SAP18: variants seen among roughly 807,000 people sequenced by gnomAD.
The protein encoded by SAP18 is histone deacetylase complex subunit SAP18.
In SAP18, 4 loss-of-function variants were observed where a neutral mutation model predicts 18.6. The ratio of observed to expected loss-of-function variants is 0.21; its 90% confidence interval spans 0.11 to 0.49. The LOEUF (loss-of-function observed/expected upper bound fraction) is 0.49. Ranked by LOEUF, SAP18 falls within the 20% of genes least tolerant of loss-of-function variation. The probability of loss-of-function intolerance (pLI) is 0.98; values close to 1 mark genes in which losing one functional copy is unlikely to be tolerated. For synonymous variants in SAP18, 112 were observed against 82.8 expected (o/e 1.35, Z -1.92); for missense variants, 170 against 226.4 (o/e 0.75, Z 1.60).
At chr13:21,143,394 C>T (rs1869537781) in intron 2 of SAP18, among the ~76,000 whole-genome samples, 1 of 152,170 alleles carries the variant, frequency 6.6e-6, no homozygotes, top group Non-Finnish European at 1.5e-5. Context: ...TGGGACCTTA[C>T]TTGTCTTATT....
In SAP18 at chr13:21,140,879, C is replaced by T. The variant is rs767488618; in HGVS notation, c.130-7C>T. 8.7e-6 allele frequency: 14 copies of T among 1,611,006 alleles called. No homozygotes were observed. Among genetic ancestry groups the T allele is most frequent in the South Asian group, 2.2e-5 (2 of 91,022 alleles). ...ACTTCTGCCCTTCCGTTTTCTCTCTCCCTCAGACATGCCCACTGTTGCTAC... is the reference window on the plus strand; with the variant it reads ...ACTTCTGCCCTTCCGTTTTCTCTCTTCCTCAGACATGCCCACTGTTGCTAC... On this transcript the variant is annotated splice_region_variant and splice_polypyrimidine_tract_variant and intron_variant, in intron 1 of 3. Coordinates refer to ENST00000621421, the Ensembl canonical transcript of SAP18.
At chr13:21,144,321 C>T (rs1022497724) in intron 2 of SAP18, among the ~76,000 whole-genome samples, 6 of 138,976 alleles carry the variant, frequency 4.3e-5, no homozygotes, top group Non-Finnish European at 9.1e-5. Flanking sequence ...AGGAGAATTG[C>T]TTGAACCCAG....
exon 1 of SAP18, chr13:21,140,613 G>T: frequency 6.2e-7 from 1 of 1,612,152 alleles, no homozygotes; most frequent in Non-Finnish European, 8.5e-7. Flanking sequence ...GAGGAAGATG[G>T]CGGTGGAGTC....
At chr13:21,140,391 C>T, upstream of SAP18, 1 of 694,808 alleles carries the variant, frequency 1.4e-6, no homozygotes, top group East Asian at 2.7e-5. Flanking sequence ...AGCACCTCCT[C>T]CCCGCGGACG....
At chr13:21,140,374 G>T (rs1457437177), upstream of SAP18, 4 of 622,394 alleles carry the variant, frequency 6.4e-6, no homozygotes, top group East Asian at 1.1e-4. Flanking sequence ...CTAGGCGACG[G>T]ACGCTAAGCA....
intron 2 of SAP18, among the ~76,000 whole-genome samples, chr13:21,144,393 G>A (rs1033237301): frequency 3.1e-4 from 40 of 129,714 alleles, no homozygotes; most frequent in Non-Finnish European, 5.1e-4. Context: ...GCGACAGAGC[G>A]GGACTCCATC....
chr13:21,143,132 GGTT>G (rs1869529270), intron 2 of SAP18, among the ~76,000 whole-genome samples: 1 of 152,140 alleles, frequency 6.6e-6, no homozygotes, highest in Non-Finnish European at 1.5e-5. Flanking sequence ...TGGACACTTG[GGTT>G]GTTTCACCTT....
chr13:21,142,002 ACAAGCCAGGCACG>A (rs1180719210), intron 2 of SAP18, among the ~76,000 whole-genome samples: 3 of 149,536 alleles, frequency 2.0e-5, no homozygotes, highest in African/African-American at 4.9e-5. Flanking sequence ...AAGATATATA[ACAAGCCAGGCACG>A]GTGGCTTATG....
chr13:21,146,999 C>T (rs919698720), intron 3 of SAP18, 72 bp downstream of exon 3: 2 of 1,494,878 alleles, frequency 1.3e-6, no homozygotes, highest in Non-Finnish European at 1.8e-6. Flanking sequence ...ACAGATAACT[C>T]CTTCAATGAA....
chr13:21,142,675 T>A (rs1869512060), intron 2 of SAP18, among the ~76,000 whole-genome samples: 1 of 152,114 alleles, frequency 6.6e-6, no homozygotes, highest in African/African-American at 2.4e-5. Context: ...AGCATTCAAA[T>A]TGTTGTGCAA....
chr13:21,141,558 C>CA (rs1417597764), intron 2 of SAP18: 1 of 160,064 alleles, frequency 6.2e-6, no homozygotes, highest in Non-Finnish European at 1.4e-5. Flanking sequence ...TACCTCCCTA[C>CA]AAACTACTGT....
At chr13:21,140,761 TGGA>T in intron 1 of SAP18, 80 bp downstream of exon 1, 1 of 1,590,814 alleles carries the variant, frequency 6.3e-7, no homozygotes, top group South Asian at 1.1e-5. Flanking sequence ...GCCTGTGTGC[TGGA>T]GGAGATGGTG....
exon 4 of SAP18, chr13:21,148,776 A>C (rs982072397): frequency 6.6e-6 from 1 of 151,990 alleles, no homozygotes; most frequent in Non-Finnish European, 1.5e-5. Flanking sequence ...GTGGGGGGGA[A>C]CCCTATGATT....
At chr13:21,141,080 C>T (rs989008624) in intron 2 of SAP18, 85 bp downstream of exon 2, 8 of 863,060 alleles carry the variant, frequency 9.3e-6, no homozygotes, top group South Asian at 7.1e-5. Context: ...GAGTTATTCT[C>T]CCTGATTTCA....
At chr13:21,147,561 A>C (rs1364845628) in exon 4 of SAP18, 1 of 527,210 alleles carries the variant, frequency 1.9e-6, no homozygotes, top group Non-Finnish European at 3.4e-6. Context: ...TGCTCTTAGC[A>C]TTCTGTGTAA....
At chr13:21,140,367 G>A (rs1595287513), upstream of SAP18, 4 of 611,136 alleles carry the variant, frequency 6.5e-6, no homozygotes, top group East Asian at 8.3e-5. Context: ...CCAACTGCTA[G>A]GCGACGGACG....
At chr13:21,146,892 A>T in exon 3 of SAP18, 2 of 1,613,258 alleles carry the variant, frequency 1.2e-6, no homozygotes, top group Non-Finnish European at 1.7e-6. Flanking sequence ...TCAATTTTGC[A>T]ATCGTTTTTA....
intron 2 of SAP18, among the ~76,000 whole-genome samples, chr13:21,144,055 G>C (rs1440909662): frequency 6.6e-6 from 1 of 152,192 alleles, no homozygotes; most frequent in African/African-American, 2.4e-5. Flanking sequence ...GGCAGGCTGT[G>C]TTCACCAAAG....
chr13:21,140,308 T>C (rs1869394694), upstream of SAP18, among the ~76,000 whole-genome samples: 1 of 152,190 alleles, frequency 6.6e-6, no homozygotes, highest in Non-Finnish European at 1.5e-5. Context: ...AACGCCACCT[T>C]AAGCTTATGT....
Sources: allele counts gnomAD v4.1 joint callset (sites outside exome capture counted in the v4.1 genomes callset), GRCh38; gene constraint gnomAD v4.1.1; transcripts MANE v1.5; gene names NCBI Gene and HGNC (gene_info 2026-07-23, HGNC 2026-07-21).